SH3GL2: variants seen among roughly 807,000 people sequenced by gnomAD.
The protein encoded by SH3GL2 is endophilin-A1.
SH3GL2 carries 24 observed loss-of-function variants against 46.0 expected under a neutral mutation model. That is an observed-to-expected ratio of 0.52 (90% CI 0.38 to 0.73). SH3GL2 has a LOEUF of 0.73. SH3GL2 is among the 30% of genes least tolerant of loss of function. SH3GL2 has a pLI of 0.00. For synonymous variants in SH3GL2, 196 were observed against 147.1 expected, an observed-to-expected ratio of 1.33 and a Z score of -2.40; for missense variants, 413 against 424.2, an observed-to-expected ratio of 0.97 and a Z score of 0.23.
In SH3GL2 at chr9:17,716,446, C is replaced by T. The variant is rs183908307; in HGVS notation, c.46-30620C>T. Among the ~76,000 whole-genome samples the T allele has an allele frequency of 1.7e-3, 262 of 152,248 alleles. 1 individual carries two copies. The highest frequency in any genetic ancestry group is 0.017 in the Middle Eastern group (5 of 294). On this transcript the variant is annotated intron_variant, in intron 1 of 8. Transcript: ENST00000380607. ...TTTATAGCTAAAGCGCCTTGCTTTG[C>T]GCTACTGAGATGAGACCTCTGAATT...
chr9:17,681,919 G>A (rs554596903), intron 1 of SH3GL2, among the ~76,000 whole-genome samples: 1 of 152,022 alleles, frequency 6.6e-6, no homozygotes, highest in Non-Finnish European at 1.5e-5. Context: ...AAGAAGACAT[G>A]TGGCCAACAA....
At chr9:17,787,566 G>T in intron 5 of SH3GL2, 53 bp downstream of exon 5, 1 of 1,482,236 alleles carries the variant, frequency 6.7e-7, no homozygotes, top group Non-Finnish European at 9.3e-7. Flanking sequence ...TACAGATGCA[G>T]ATGCCTTTTT....
At chr9:17,643,850 A>G (rs1028430363) in intron 1 of SH3GL2, among the ~76,000 whole-genome samples, 1 of 152,234 alleles carries the variant, frequency 6.6e-6, no homozygotes, top group African/African-American at 2.4e-5. Flanking sequence ...GCCTCATAAA[A>G]TGAGTAAGAG....
rs533900049 is a variant in SH3GL2 at position 17,784,970 on chromosome 9, C to G, written c.188-1411C>G. Among the ~76,000 whole-genome samples, 3 of 152,268 alleles carry G rather than the reference C, an allele frequency of 2.0e-5. No individual in the cohort carries two copies. In the South Asian group the frequency reaches 6.2e-4, roughly 32 times the overall value. ...TCAAATGATCCTCCTGCTTTGGGCA[C>G]CAAAGGTGCTGGGATTATAGGCATA... is the stretch of plus-strand genomic sequence containing the variant. On this transcript the variant is annotated intron_variant, in intron 3 of 8. Coordinates refer to ENST00000380607, the MANE Select transcript of SH3GL2 (RefSeq NM_003026.5).
intron 2 of SH3GL2, among the ~76,000 whole-genome samples, chr9:17,751,576 T>C (rs956360250): frequency 6.6e-6 from 1 of 151,920 alleles, no homozygotes; most frequent in African/African-American, 2.4e-5. Context: ...CCACCGCCCA[T>C]GTTGGAACAC....
At chr9:17,673,344 G>A (rs1820522440) in intron 1 of SH3GL2, among the ~76,000 whole-genome samples, 1 of 150,632 alleles carries the variant, frequency 6.6e-6, no homozygotes, top group African/African-American at 2.5e-5. Flanking sequence ...TATAGAGGCG[G>A]GGTTTCATCA....
rs1824283492 is a variant in SH3GL2 at position 17,796,774 on chromosome 9, T to C, written c.*1031T>C. The C allele has an allele frequency of 6.5e-6, 1 of 152,680 alleles. No individual in the cohort carries two copies. The highest frequency in any genetic ancestry group is 2.4e-5 in the African/African-American group (1 of 41,458). The allele number at this position is 152,680 out of a possible 1,614,324, so 9.5% of individuals were successfully genotyped here. A position where few individuals can be genotyped will look rare whatever the true frequency, so the allele number is the denominator to read the frequency against. ...AATGAGGACCAAATAAAGATGATTT[T>C]TGTGCTTAGCAGTTTAAGGTATATG... On this transcript the variant is annotated 3_prime_UTR_variant, in exon 9 of 9. Coordinates refer to ENST00000380607, the MANE Select transcript of SH3GL2 (RefSeq NM_003026.5).
At chr9:17,679,614 C>T (rs554956458) in intron 1 of SH3GL2, among the ~76,000 whole-genome samples, 1 of 152,214 alleles carries the variant, frequency 6.6e-6, no homozygotes, top group East Asian at 1.9e-4. Context: ...ATTGAATACC[C>T]TTTATTTCTT....
At chr9:17,685,821 A>C (rs1450949104) in intron 1 of SH3GL2, among the ~76,000 whole-genome samples, 1 of 152,092 alleles carries the variant, frequency 6.6e-6, no homozygotes, top group Non-Finnish European at 1.5e-5. Flanking sequence ...CTGTTTTGGT[A>C]CCAGTACCAT....
intron 1 of SH3GL2, among the ~76,000 whole-genome samples, chr9:17,680,519 T>A (rs1380988353): frequency 6.6e-6 from 1 of 152,182 alleles, no homozygotes; most frequent in Non-Finnish European, 1.5e-5. Flanking sequence ...TTCTTCTCTC[T>A]TTTCTTCTTT....
intron 1 of SH3GL2, among the ~76,000 whole-genome samples, chr9:17,712,889 C>G (rs1032649500): frequency 9.9e-5 from 13 of 130,908 alleles, no homozygotes; most frequent in African/African-American, 3.7e-4. Context: ...CTAGCTATAA[C>G]CTTGATTACA....
chr9:17,580,970 A>T (rs1438694003), intron 1 of SH3GL2, among the ~76,000 whole-genome samples: 1 of 152,188 alleles, frequency 6.6e-6, no homozygotes, highest in Non-Finnish European at 1.5e-5. Context: ...GCTGCTTCTG[A>T]CCTTGAGAGA....
intron 1 of SH3GL2, among the ~76,000 whole-genome samples, chr9:17,668,316 A>C (rs753143603): frequency 6.6e-6 from 1 of 152,222 alleles, no homozygotes; most frequent in African/African-American, 2.4e-5. Context: ...GTAGGTGTCC[A>C]GCTTCATTCT....
chr9:17,726,888 T>G (rs910316833), intron 1 of SH3GL2, among the ~76,000 whole-genome samples: 1 of 152,108 alleles, frequency 6.6e-6, no homozygotes, highest in African/African-American at 2.4e-5. Flanking sequence ...CGGGGAGGAA[T>G]GCAGCAGTAA....
At chr9:17,705,013 T>C (rs1821433604) in intron 1 of SH3GL2, among the ~76,000 whole-genome samples, 1 of 151,788 alleles carries the variant, frequency 6.6e-6, no homozygotes, top group Non-Finnish European at 1.5e-5. Flanking sequence ...AACAAAGGTC[T>C]AATATCCAGA....
At chr9:17,679,224 G>T (rs186736249) in intron 1 of SH3GL2, among the ~76,000 whole-genome samples, 1,564 of 152,302 alleles carry the variant, frequency 0.01, 17 homozygotes, top group Middle Eastern at 0.024. Flanking sequence ...ACCTTGGGCA[G>T]TATGGCTATT....
At chr9:17,678,947 T>G (rs1450551385) in intron 1 of SH3GL2, among the ~76,000 whole-genome samples, 1 of 152,160 alleles carries the variant, frequency 6.6e-6, no homozygotes, top group Non-Finnish European at 1.5e-5. Flanking sequence ...GTTGTAGATG[T>G]GTGATATTAT....
chr9:17,611,021 CAATT>C (rs909796341), intron 1 of SH3GL2, among the ~76,000 whole-genome samples: 4 of 152,134 alleles, frequency 2.6e-5, no homozygotes, highest in Admixed American at 1.3e-4. Flanking sequence ...TTTCAATTGA[CAATT>C]AACTGGATTT....
intron 6 of SH3GL2, chr9:17,790,444 C>G (rs1176076904): frequency 1.0e-6 from 1 of 982,894 alleles, no homozygotes; most frequent in East Asian, 1.1e-4. Flanking sequence ...CATATCCAGA[C>G]TTTCCTACCA....
Sources: allele counts gnomAD v4.1 joint callset (sites outside exome capture counted in the v4.1 genomes callset), GRCh38; gene constraint gnomAD v4.1.1; transcripts MANE v1.5; gene names NCBI Gene and HGNC (gene_info 2026-07-23, HGNC 2026-07-21).